Variants in PI4KA observed in about 807,000 individuals in gnomAD.
The protein encoded by PI4KA is PI4-kinase alpha.
PI4KA carries 122 observed loss-of-function variants against 271.4 expected under a neutral mutation model. That is an observed-to-expected ratio of 0.45 (90% CI 0.39 to 0.52). The LOEUF is 0.52. PI4KA is among the 20% of genes least tolerant of loss of function. The pLI is 0.00. For missense variants in PI4KA, 1,969 were observed against 2,769.1 expected (o/e 0.71, Z 6.48); for synonymous variants, 1,041 against 1,078.8 (o/e 0.96, Z 0.69).
chr22:20,793,718 CT>C (rs1292503415), intron 18 of PI4KA, among the ~76,000 whole-genome samples: 1 of 152,206 alleles, frequency 6.6e-6, no homozygotes, highest in African/African-American at 2.4e-5. Flanking sequence ...GTGCTTTTTA[CT>C]TTACTATTTA....
chr22:20,743,959 C>A (rs6004122), intron 30 of PI4KA, among the ~76,000 whole-genome samples: 68,531 of 151,876 alleles, frequency 0.45, 15,640 homozygotes, highest in East Asian at 0.53. Context: ...GAGGCTGAGG[C>A]AGGAGAATGG....
chr22:20,825,803 G>A (rs1050684196), intron 3 of PI4KA, among the ~76,000 whole-genome samples: 2 of 152,128 alleles, frequency 1.3e-5, no homozygotes, highest in South Asian at 2.1e-4. Context: ...TGTTACGGGG[G>A]TTTGGTGTAC....
chr22:20,782,742 TG>T (rs1464193234), intron 19 of PI4KA, among the ~76,000 whole-genome samples: 3 of 152,140 alleles, frequency 2.0e-5, no homozygotes, highest in African/African-American at 7.2e-5. Flanking sequence ...AGGGGGAGGC[TG>T]GGGATGTTGC....
At chr22:20,779,422 C>T (rs775130879) in intron 19 of PI4KA, 1 of 1,614,232 alleles carries the variant, frequency 6.2e-7, no homozygotes, top group Non-Finnish European at 8.5e-7. Context: ...ACTGCTCAGT[C>T]TGCAGATCCC....
At position 20,718,794 on chromosome 22, in the gene PI4KA, C is replaced by T. The variant is rs781327640; in HGVS notation, c.5145G>A (p.Leu1715=). ...ACAAGGAGCCTGTGATCTCCTCTAC[C>T]AACTGATCCAGGAGGTCGCCGATGT... ...DPDIGDLLDQ[L]VEEITGSLSG... The change falls in exon 44 of 55, where the codon TTG becomes TTA. Residue 1715 remains leucine, a synonymous_variant. Coordinates refer to ENST00000255882, the MANE Select transcript of PI4KA (RefSeq NM_058004.4). The T allele has an allele frequency of 2.5e-6, 4 of 1,613,874 alleles. No individual in the cohort carries two copies. The African/African-American group carries it at 4.0e-5, about 16-fold the overall frequency.
At chr22:20,841,048 G>C (rs1167297608) in intron 1 of PI4KA, among the ~76,000 whole-genome samples, 1 of 152,076 alleles carries the variant, frequency 6.6e-6, no homozygotes, top group Non-Finnish European at 1.5e-5. Flanking sequence ...GATAAAACAG[G>C]CTGCAGTAAA....
intron 19 of PI4KA, among the ~76,000 whole-genome samples, chr22:20,782,085 T>G (rs1933846826): frequency 6.6e-6 from 1 of 152,260 alleles, no homozygotes; most frequent in East Asian, 1.9e-4. Context: ...TGTTTAGGAC[T>G]GACTTTAGAA....
Position 20,824,405 on chromosome 22 carries a change from G to T in PI4KA, c.377C>A (p.Pro126Gln), listed in dbSNP as rs761639270. 5 of 1,611,740 alleles carry T rather than the reference G, an allele frequency of 3.1e-6. No homozygotes were observed. The African/African-American group carries it at 6.7e-5, about 22-fold the overall frequency. Residue 126 changes from proline (P) to glutamine (Q), a missense_variant, in exon 4 of 55, where the codon CCG (proline) becomes CAG (glutamine). Pro to Gln is a moderately conservative substitution (Grantham distance 76). Coordinates refer to ENST00000255882, the MANE Select transcript of PI4KA (RefSeq NM_058004.4). ...GCAGAAGCTGAAGCTCTCTGCAACC[G>T]GGAGGGCACCTGGAAGATGTAAAAA... ...STARKGRGALPVAESFSFCLV... is the reference protein window; with the variant it reads ...STARKGRGALQVAESFSFCLV...
intron 17 of PI4KA, among the ~76,000 whole-genome samples, chr22:20,796,597 C>T (rs1181049099): frequency 1.3e-5 from 2 of 152,254 alleles, no homozygotes; most frequent in African/African-American, 4.8e-5. Context: ...ATCTGCAACA[C>T]TGGGTACCTG....
Position 20,729,887 on chromosome 22 carries a change from C to T in PI4KA, c.4408+5G>A. ...GATGGCCCCAGCAGCACACCTCCCA[C>T]CGACCTGATTTCTTGGAGATGGTGG... On this transcript the variant is annotated splice_donor_5th_base_variant and intron_variant, in intron 37 of 54. Transcript: ENST00000255882. 6.2e-7 allele frequency: 1 copy of T among 1,614,140 alleles called. No homozygotes were observed. Among genetic ancestry groups the T allele is most frequent in the Non-Finnish European group, 8.5e-7 (1 of 1,180,008 alleles).
At chr22:20,840,320 G>A (rs1925394383) in intron 1 of PI4KA, among the ~76,000 whole-genome samples, 2 of 152,210 alleles carry the variant, frequency 1.3e-5, no homozygotes, top group East Asian at 3.8e-4. Context: ...CAGCAGCACA[G>A]TGGAAAAGAA....
chr22:20,767,619 T>C (rs965434440), intron 19 of PI4KA, among the ~76,000 whole-genome samples: 1 of 150,752 alleles, frequency 6.6e-6, no homozygotes, highest in African/African-American at 2.4e-5. Context: ...TGCTCCACCA[T>C]GTCCAGCTAA....
At chr22:20,745,784 A>G (rs1929985367) in intron 29 of PI4KA, among the ~76,000 whole-genome samples, 1 of 152,016 alleles carries the variant, frequency 6.6e-6, no homozygotes, top group South Asian at 2.1e-4. Context: ...ACCCTCTCAC[A>G]ATGTTGTTAC....
At chr22:20,765,316 T>C (rs574897053) in intron 20 of PI4KA, 80 bp from the exon 21 acceptor site, 2 of 1,394,706 alleles carry the variant, frequency 1.4e-6, no homozygotes, top group Non-Finnish European at 2.0e-6. Flanking sequence ...ATTTCTATAG[T>C]CATGGGTCCT....
At chr22:20,720,481 G>A (rs1169988697) in intron 43 of PI4KA, among the ~76,000 whole-genome samples, 1 of 152,156 alleles carries the variant, frequency 6.6e-6, no homozygotes, top group African/African-American at 2.4e-5. Flanking sequence ...AAGCCCAGGT[G>A]GTCAAGGCTG....
intron 35 of PI4KA, 125 bp downstream of exon 35, chr22:20,733,611 G>A (rs555969289): frequency 6.7e-7 from 1 of 1,485,246 alleles, no homozygotes; most frequent in Non-Finnish European, 9.1e-7. Flanking sequence ...TGAAGGAGGA[G>A]GTTGGTGAGC....
rs1440323339 is a variant in PI4KA, at chr22:20,807,381, G to A, written c.1149C>T (p.Asp383=). 2.5e-6 allele frequency: 4 copies of A among 1,609,432 alleles called. No individual in the cohort carries two copies. The highest frequency in any genetic ancestry group is 1.1e-5 in the South Asian group (1 of 90,984). Residue 383 remains aspartate, a synonymous_variant, in exon 10 of 55, where the codon GAC becomes GAT. Coordinates refer to ENST00000255882, the MANE Select transcript of PI4KA (RefSeq NM_058004.4). ...CCTCACCCTTCATGTAGTACAGAGT[G>A]TCACGCAGCATCTTGAACATGGTCA... The part of the protein sequence containing the change: ...LYLTMFKMLR[D]TLYYMKDLPT...
intron 39 of PI4KA, 43 bp downstream of exon 39, chr22:20,729,270 C>T: frequency 6.4e-7 from 1 of 1,573,850 alleles, no homozygotes; most frequent in Non-Finnish European, 8.7e-7. Context: ...TGCGCTGGAC[C>T]TCTGGTGAGG....
chr22:20,727,096 G>T, intron 41 of PI4KA, 134 bp downstream of exon 41: 2 of 689,334 alleles, frequency 2.9e-6, no homozygotes, highest in South Asian at 2.1e-5. Context: ...ACAACTACTT[G>T]AGCAAAAAAC....
Sources: allele counts gnomAD v4.1 joint callset (sites outside exome capture counted in the v4.1 genomes callset), GRCh38; gene constraint gnomAD v4.1.1; transcripts MANE v1.5; gene names NCBI Gene and HGNC (gene_info 2026-07-23, HGNC 2026-07-21).